Variants in LCOR observed in about 807,000 individuals in gnomAD.
LCOR encodes the protein ligand dependent nuclear receptor corepressor, also known as ligand-dependent corepressor.
In LCOR, 14 loss-of-function variants were observed where a neutral mutation model predicts 64.4. The observed-to-expected ratio is 0.22, with a 90% CI of 0.14 to 0.34. LCOR has a LOEUF of 0.34. Ranked by LOEUF, LCOR falls within the 10% of genes least tolerant of loss-of-function variation. The probability of loss-of-function intolerance (pLI) is 1.00; values close to 1 mark genes in which losing one functional copy is unlikely to be tolerated. For missense variants in LCOR, 1,686 were observed against 1,765.3 expected (o/e 0.96, Z 0.80); for synonymous variants, 643 against 642.5 (o/e 1.00, Z -0.01).
intron 2 of LCOR, among the ~76,000 whole-genome samples, chr10:96,870,014 G>A (rs1044847543): frequency 1.3e-5 from 2 of 152,258 alleles, no homozygotes; most frequent in African/African-American, 2.4e-5. Context: ...TGACTTCAGA[G>A]CCTAAACTTC....
rs964263701 is a variant in LCOR, at chr10:96,849,858, C to CTT, written c.-330+16400_-330+16401dup. Among the ~76,000 whole-genome samples the CTT allele has an allele frequency of 3.5e-3, 401 of 115,564 alleles. 3 individuals are homozygous for CTT. The highest frequency in any genetic ancestry group is 0.011 in the African/African-American group (335 of 29,388). The allele number at this position is 115,564 out of a possible 152,430, so 75.8% of individuals were successfully genotyped here. A position where few individuals can be genotyped will look rare whatever the true frequency, so the allele number is the denominator to read the frequency against. On this transcript the variant is annotated intron_variant, in intron 2 of 7. Coordinates refer to ENST00000421806, the MANE Select transcript of LCOR (RefSeq NM_001346516.2). ...GACCAAGACCTCTGTGTGTCACTCA[C>CTT]TTTTTTTTTTTTTTTTTTTTTTGCT...
chr10:96,963,273 GCA>G (rs1847908873), intron 7 of LCOR: 1 of 152,056 alleles, frequency 6.6e-6, no homozygotes, highest in African/African-American at 2.4e-5. Flanking sequence ...ACACAAACAT[GCA>G]CAGTTAAACT....
At chr10:96,920,454 G>GTGTATATA in intron 4 of LCOR, among the ~76,000 whole-genome samples, 1 of 3,216 alleles carries the variant, frequency 3.1e-4, no homozygotes, top group East Asian at 0.014. Context: ...GTATATATAT[G>GTGTATATA]TATATTCATA....
intron 4 of LCOR, among the ~76,000 whole-genome samples, chr10:96,926,120 A>G (rs1847163212): frequency 6.6e-6 from 1 of 152,150 alleles, no homozygotes; most frequent in Non-Finnish European, 1.5e-5. Flanking sequence ...CATTTTTCTA[A>G]AGAGATCTGG....
intron 4 of LCOR, among the ~76,000 whole-genome samples, chr10:96,932,557 G>A (rs1209213897): frequency 2.6e-5 from 4 of 151,996 alleles, no homozygotes; most frequent in South Asian, 4.1e-4. Flanking sequence ...TCCGCCTCCC[G>A]GGTTCAAGCA....
At chr10:96,850,984 G>A (rs1845713179) in intron 2 of LCOR, among the ~76,000 whole-genome samples, 1 of 152,222 alleles carries the variant, frequency 6.6e-6, no homozygotes, top group Non-Finnish European at 1.5e-5. Flanking sequence ...GTTCTGGAAT[G>A]TGCTAATAAT....
At chr10:96,903,529 C>T (rs545603773) in intron 2 of LCOR, among the ~76,000 whole-genome samples, 2 of 152,036 alleles carry the variant, frequency 1.3e-5, no homozygotes, top group African/African-American at 4.8e-5. Flanking sequence ...CCTTCAGCAC[C>T]TCTCTGAAAC....
At chr10:96,942,936 A>G (rs1014281046) in intron 4 of LCOR, among the ~76,000 whole-genome samples, 1 of 152,202 alleles carries the variant, frequency 6.6e-6, no homozygotes, top group Non-Finnish European at 1.5e-5. Context: ...TCTTAAAAAT[A>G]CTTTTATTTT....
intron 5 of LCOR, among the ~76,000 whole-genome samples, chr10:96,946,843 G>A (rs1847597674): frequency 6.6e-6 from 1 of 151,990 alleles, no homozygotes; most frequent in Admixed American, 6.6e-5. Flanking sequence ...AGCTCTTTAT[G>A]TTTATTAATA....
intron 2 of LCOR, among the ~76,000 whole-genome samples, chr10:96,837,141 C>T (rs1448964357): frequency 6.6e-6 from 1 of 152,156 alleles, no homozygotes; most frequent in East Asian, 1.9e-4. Flanking sequence ...CAGGTGCCCG[C>T]CACCACGCTC....
chr10:96,851,015 T>G (rs1845713576), intron 2 of LCOR, among the ~76,000 whole-genome samples: 1 of 152,074 alleles, frequency 6.6e-6, no homozygotes, highest in African/African-American at 2.4e-5. Flanking sequence ...TGCATAAGAG[T>G]AAACTTGATG....
intron 2 of LCOR, among the ~76,000 whole-genome samples, chr10:96,874,842 T>G (rs1028338138): frequency 6.6e-6 from 1 of 152,028 alleles, no homozygotes; most frequent in African/African-American, 2.4e-5. Flanking sequence ...TTCACTGTGT[T>G]GGCCAGGATG....
chr10:96,894,876 T>C (rs1309729738), intron 2 of LCOR, among the ~76,000 whole-genome samples: 1 of 152,214 alleles, frequency 6.6e-6, no homozygotes, highest in African/African-American at 2.4e-5. Context: ...GTGCCATATA[T>C]AATAGTTCAG....
intron 2 of LCOR, among the ~76,000 whole-genome samples, chr10:96,883,795 C>G (rs190534020): frequency 6.6e-6 from 1 of 152,280 alleles, no homozygotes; most frequent in Non-Finnish European, 1.5e-5. Context: ...TTTACCTTCT[C>G]ATTCTCTTGA....
intron 2 of LCOR, among the ~76,000 whole-genome samples, chr10:96,897,615 T>C (rs915350704): frequency 6.6e-6 from 1 of 152,236 alleles, no homozygotes; most frequent in African/African-American, 2.4e-5. Context: ...TACTGTATTC[T>C]GATAATGTTC....
intron 4 of LCOR, among the ~76,000 whole-genome samples, chr10:96,920,434 G>GTGTATATATATATATTCA (rs1554837187): frequency 4.0e-5 from 5 of 124,012 alleles, no homozygotes; most frequent in Admixed American, 2.3e-4. Context: ...ATATATATGT[G>GTGTATATATATATATTCA]TATATATGTG....
At chr10:96,931,946 T>C (rs1847268680) in intron 4 of LCOR, among the ~76,000 whole-genome samples, 1 of 152,190 alleles carries the variant, frequency 6.6e-6, no homozygotes, top group Admixed American at 6.5e-5. Flanking sequence ...TCTGAATTAC[T>C]CTCTAGGTAT....
At chr10:96,867,628 T>A (rs760841374) in intron 2 of LCOR, among the ~76,000 whole-genome samples, 1 of 151,994 alleles carries the variant, frequency 6.6e-6, no homozygotes, top group Non-Finnish European at 1.5e-5. Context: ...ATGTGGTGGC[T>A]CACATCTGTA....
intron 2 of LCOR, among the ~76,000 whole-genome samples, chr10:96,886,684 C>T (rs1486451243): frequency 2.6e-5 from 4 of 152,102 alleles, no homozygotes; most frequent in African/African-American, 9.7e-5. Flanking sequence ...ACTTACTCAA[C>T]CTTAAGAGAT....
Sources: gnomAD v4.1 joint callset for allele counts (sites outside exome capture counted in the v4.1 genomes callset) on GRCh38, gnomAD v4.1.1 for gene constraint, MANE v1.5 for transcripts, NCBI Gene and HGNC (gene_info 2026-07-23, HGNC 2026-07-21) for gene names.